The following CAMTA1 variants were observed in gnomAD, a reference collection of about 807,000 sequenced individuals.
The protein encoded by CAMTA1 is calmodulin binding transcription activator 1.
In CAMTA1, 27 loss-of-function variants were observed where a neutral mutation model predicts 170.9. That is an observed-to-expected ratio of 0.16 (90% CI 0.12 to 0.22). The LOEUF is 0.22. Ranked by LOEUF, CAMTA1 falls within the 10% of genes least tolerant of loss-of-function variation. The probability of loss-of-function intolerance (pLI) is 1.00; values close to 1 mark genes in which losing one functional copy is unlikely to be tolerated. For synonymous variants in CAMTA1, 833 were observed against 891.5 expected (o/e 0.93, Z 1.17); for missense variants, 1,619 against 2,217.2 (o/e 0.73, Z 5.42).
intron 4 of CAMTA1, among the ~76,000 whole-genome samples, chr1:7,097,531 C>T (rs1030565237): frequency 6.6e-6 from 1 of 152,230 alleles, no homozygotes; most frequent in Admixed American, 6.5e-5. Flanking sequence ...TGTAAGACCC[C>T]TGGCAGTGAC....
chr1:7,755,126 G>A (rs188682683), intron 21 of CAMTA1, among the ~76,000 whole-genome samples: 2 of 152,128 alleles, frequency 1.3e-5, no homozygotes, highest in African/African-American at 2.4e-5. Context: ...AGGAGTTTGA[G>A]ACCAGCCTGG....
intron 6 of CAMTA1, among the ~76,000 whole-genome samples, chr1:7,522,217 A>T (rs1311309643): frequency 2.0e-5 from 3 of 152,198 alleles, no homozygotes; most frequent in Non-Finnish European, 4.4e-5. Flanking sequence ...ATGTCTCATT[A>T]TGGCTTTGAC....
rs150995022 is a variant in CAMTA1 at position 6,809,378 on chromosome 1, A to C, written c.46-10803A>C. On this transcript the variant is annotated intron_variant, in intron 1 of 22. Transcript: ENST00000303635. ...GGGTAGCTTTAGAATGTGTATATAC[A>C]GCGTGACATTGGAGATGTGGGTCAA... is the stretch of plus-strand genomic sequence containing the variant. Among the ~76,000 whole-genome samples, 1,152 of 152,234 alleles carry C rather than the reference A, an allele frequency of 7.6e-3. 18 individuals carry two copies. The highest frequency in any genetic ancestry group is 0.026 in the African/African-American group (1,067 of 41,548).
At position 6,846,302 on chromosome 1, in the gene CAMTA1, A is replaced by C. The variant is rs1010287788; in HGVS notation, c.234+21092A>C. ...ACTTTCATATCAAATCTGTTTTGAT[A>C]ATCTGAGATATTCTCATCATCTCAA... On this transcript the variant is annotated intron_variant, in intron 3 of 22. Coordinates refer to ENST00000303635, the MANE Select transcript of CAMTA1 (RefSeq NM_015215.4). 6.6e-5 allele frequency among the ~76,000 whole-genome samples: 10 copies of C among 152,264 alleles called. 1 individual carries two copies. The highest frequency in any genetic ancestry group is 1.9e-4 in the African/African-American group (8 of 41,468).
intron 5 of CAMTA1, among the ~76,000 whole-genome samples, chr1:7,449,531 A>G (rs1188334225): frequency 1.3e-5 from 2 of 152,160 alleles, no homozygotes; most frequent in Admixed American, 1.3e-4. Context: ...GCACTTTGGA[A>G]GGCCAAGGCG....
chr1:6,838,579 T>C (rs760098492), intron 3 of CAMTA1, among the ~76,000 whole-genome samples: 14 of 152,206 alleles, frequency 9.2e-5, no homozygotes, highest in Non-Finnish European at 2.1e-4. Context: ...ATTTTTTTCT[T>C]TCAGATTTCT....
chr1:7,554,442 C>T (rs1332576248), intron 6 of CAMTA1, among the ~76,000 whole-genome samples: 1 of 152,156 alleles, frequency 6.6e-6, no homozygotes, highest in Non-Finnish European at 1.5e-5. Context: ...CCACCTTCCC[C>T]TCCCGTGCCC....
chr1:6,834,991 TAC>T (rs1294324522), intron 3 of CAMTA1, among the ~76,000 whole-genome samples: 1 of 152,164 alleles, frequency 6.6e-6, no homozygotes, highest in Non-Finnish European at 1.5e-5. Flanking sequence ...CCATCGCCAC[TAC>T]CTAAGTTCAG....
chr1:6,904,519 C>T (rs933772765), intron 3 of CAMTA1, among the ~76,000 whole-genome samples: 1 of 151,658 alleles, frequency 6.6e-6, no homozygotes, highest in Non-Finnish European at 1.5e-5. Context: ...GGCTCTCCTC[C>T]CCTGAACTTT....
chr1:7,677,862 G>C (rs2096138373), intron 11 of CAMTA1, 129 bp downstream of exon 11: 1 of 1,106,434 alleles, frequency 9.0e-7, no homozygotes, highest in Non-Finnish European at 1.3e-6. Context: ...GTGAGCAAAG[G>C]AAGGCCGACT....
At position 7,665,114 on chromosome 1, in the gene CAMTA1, C is replaced by T. The variant is rs1218936927; in HGVS notation, c.2567C>T (p.Ser856Leu). 6.6e-6 allele frequency: 10 copies of T among 1,525,916 alleles called. No individual in the cohort carries two copies. Among genetic ancestry groups the T allele is most frequent in the African/African-American group, 1.4e-5 (1 of 72,168 alleles). 94.5% of individuals were successfully genotyped at this position (1,525,916 alleles called of 1,614,324 possible). A position where few individuals can be genotyped will look rare whatever the true frequency, so the allele number is the denominator to read the frequency against. Residue 856 changes from serine (S) to leucine (L), a missense_variant, in exon 9 of 23, where the codon TCG becomes TTG. Coordinates refer to ENST00000303635, the MANE Select transcript of CAMTA1 (RefSeq NM_015215.4). The surrounding 1 kb of genome is among the most constrained non-coding windows in gnomAD (Gnocchi z 4.3). ...GTCGCCGAGGTGGTCTCGGCCGCCT[C>T]GGCCCAGGGCACCCTAGGCATGCTG... ...MHVAEVVSAA[S>L]AQGTLGMLQQ...
chr1:7,301,070 A>G (rs892013273), intron 5 of CAMTA1, among the ~76,000 whole-genome samples: 17 of 152,154 alleles, frequency 1.1e-4, no homozygotes, highest in African/African-American at 4.1e-4. Context: ...AAAATCTTCC[A>G]TGGCTATTAC....
intron 3 of CAMTA1, among the ~76,000 whole-genome samples, chr1:6,877,000 A>G (rs1437868764): frequency 2.6e-5 from 4 of 152,204 alleles, no homozygotes; most frequent in South Asian, 4.2e-4. Flanking sequence ...GTGGTGAGGA[A>G]CCCACTCCTG....
chr1:7,519,129 T>C (rs1179134956), intron 6 of CAMTA1, among the ~76,000 whole-genome samples: 3 of 152,122 alleles, frequency 2.0e-5, no homozygotes, highest in Non-Finnish European at 4.4e-5. Flanking sequence ...ACAGGTGCTC[T>C]AATTAGAAGT....
chr1:7,117,607 C>G (rs191498165), intron 4 of CAMTA1, among the ~76,000 whole-genome samples: 1 of 152,132 alleles, frequency 6.6e-6, no homozygotes, highest in Admixed American at 6.5e-5. Context: ...ATAACTGGCT[C>G]CCCCCTAGTG....
intron 5 of CAMTA1, among the ~76,000 whole-genome samples, chr1:7,371,906 T>G (rs1557607233): frequency 6.6e-6 from 1 of 152,150 alleles, no homozygotes; most frequent in African/African-American, 2.4e-5. Flanking sequence ...TGATGACATC[T>G]GAGATCTAGG....
chr1:7,613,252 C>G (rs983298018), intron 6 of CAMTA1, among the ~76,000 whole-genome samples: 1 of 152,208 alleles, frequency 6.6e-6, no homozygotes, highest in African/African-American at 2.4e-5. Flanking sequence ...AAGCCAGAGT[C>G]CTCACTGACC....
chr1:7,715,988 C>T (rs1007165672), intron 11 of CAMTA1, among the ~76,000 whole-genome samples: 10 of 152,192 alleles, frequency 6.6e-5, no homozygotes, highest in Admixed American at 4.6e-4. Context: ...AAAATATCAT[C>T]TATTTATCAG....
chr1:7,612,134 C>T lies in CAMTA1; in HGVS notation c.511-28266C>T, dbSNP rs760242733. ...GGAGAGTCAGGATGACAGCCTTTTA[C>T]ACCCTGCCCTCTTGGTACCCAGCTT... On this transcript the variant is annotated intron_variant, in intron 6 of 22. Transcript: ENST00000303635. Among the ~76,000 whole-genome samples, 146 of 152,358 alleles carry T rather than the reference C, an allele frequency of 9.6e-4. 1 individual carries two copies. The highest frequency in any genetic ancestry group is 1.8e-3 in the Non-Finnish European group (120 of 68,036).
Sources: allele counts gnomAD v4.1 joint callset (sites outside exome capture counted in the v4.1 genomes callset), GRCh38; gene constraint gnomAD v4.1.1; non-coding constraint Gnocchi (gnomAD v3.1); transcripts MANE v1.5; gene names NCBI Gene and HGNC (gene_info 2026-07-23, HGNC 2026-07-21).